Variants in RAVER1 observed in about 807,000 individuals in gnomAD.
RAVER1 encodes ribonucleoprotein PTB-binding 1.
RAVER1 carries 36 observed loss-of-function variants against 68.4 expected under a neutral mutation model. That is an observed-to-expected ratio of 0.53 (90% CI 0.40 to 0.70). The LOEUF (loss-of-function observed/expected upper bound fraction) is 0.70. RAVER1 is among the 30% of genes least tolerant of loss of function. The pLI is 0.00. For missense variants in RAVER1, 933 were observed against 1,019.8 expected, an observed-to-expected ratio of 0.91 and a Z score of 1.16; for synonymous variants, 469 against 472.7, an observed-to-expected ratio of 0.99 and a Z score of 0.10.
At chr19:10,319,092 G>T in intron 10 of RAVER1, 74 bp downstream of exon 10, 2 of 1,368,898 alleles carry the variant, frequency 1.5e-6, no homozygotes, top group Non-Finnish European at 2.1e-6. Context: ...GCTGTTCCAG[G>T]CTACTAAGTC....
intron 1 of RAVER1, among the ~76,000 whole-genome samples, chr19:10,331,174 C>T (rs12460902): frequency 0.15 from 22,458 of 149,604 alleles, 1,923 homozygotes; most frequent in Admixed American, 0.27. Flanking sequence ...AAGGTGAAAC[C>T]CCGTCTCTAC....
At chr19:10,321,286 GC>G in intron 7 of RAVER1, 27 bp from the exon 8 acceptor site, 2 of 1,176,930 alleles carry the variant, frequency 1.7e-6, no homozygotes, top group South Asian at 3.3e-5. Flanking sequence ...GATTTCAGGG[GC>G]CCAGGCTCAC....
At chr19:10,320,505 A>T (rs1258078033) in intron 9 of RAVER1, 150 bp downstream of exon 9, 5 of 117,224 alleles carry the variant, frequency 4.3e-5, no homozygotes, top group African/African-American at 6.1e-5. Flanking sequence ...CCCTGTCTCT[A>T]AAAAAAAAAA....
rs755476866 is a variant in RAVER1 at position 10,319,148 on chromosome 19, A to AT, written c.1845+17dup. The AT allele has an allele frequency of 1.7e-5, 27 of 1,612,876 alleles. No homozygotes were observed. In the East Asian group the frequency reaches 4.9e-4, roughly 29 times the overall value. On this transcript the variant is annotated intron_variant, in intron 10 of 12. Transcript: ENST00000617231. ...GTAAAAGCTGATTGCTACACATGCC[A>AT]TACCAGGTGGCTCTTACCTTGTGTC...
chr19:10,324,754 A>G (rs963099835), intron 3 of RAVER1, among the ~76,000 whole-genome samples: 6 of 152,080 alleles, frequency 3.9e-5, no homozygotes, highest in Non-Finnish European at 8.8e-5. Context: ...CACAATTCCT[A>G]AGTCGAGGGA....
In RAVER1 at chr19:10,317,527, T is replaced by C. The variant is rs1041645678; in HGVS notation, c.2147A>G (p.Tyr716Cys). Residue 716 changes from tyrosine to cysteine, a missense_variant, in exon 13 of 13, where the codon TAT (tyrosine) becomes TGT (cysteine). Around this residue, in one of 3 missense-constraint regions of RAVER1, gnomAD observed 699 missense variants for 731.1 expected, o/e 0.96. Coordinates refer to ENST00000617231, the MANE Select transcript of RAVER1 (RefSeq NM_133452.3). This position sits in a 1 kb window ranked among gnomAD's most constrained non-coding sequence, Gnocchi z 4.3. ...PSPEPSPEGSYVGQHSQGLGG... is the reference protein window; with the variant it reads ...PSPEPSPEGSCVGQHSQGLGG... ...GAGGCCCTGGGAGTGCTGGCCCACA[T>C]AGCTGCCTTCTGGGCTGGGCTCGGG... 9 of 1,613,408 alleles carry C rather than the reference T, an allele frequency of 5.6e-6. No homozygotes were observed. Among genetic ancestry groups the C allele is most frequent in the Non-Finnish European group, 7.6e-6 (9 of 1,179,540 alleles).
Position 10,317,374 on chromosome 19 carries a change from A to T in RAVER1, c.*80T>A, listed in dbSNP as rs566583285. On this transcript the variant is annotated 3_prime_UTR_variant, in exon 13 of 13. Transcript: ENST00000617231. This position sits in a 1 kb window ranked among gnomAD's most constrained non-coding sequence, Gnocchi z 4.3. Reference sequence around the variant, plus strand: ...ATTACCGAAAGAGAGAAAATGGTTTAAAAAAAACACAAAACAAAACATCAG... The same window carrying T: ...ATTACCGAAAGAGAGAAAATGGTTTTAAAAAAACACAAAACAAAACATCAG... 1.2e-3 allele frequency: 1,705 copies of T among 1,454,290 alleles called. 1 individual carries two copies. Among genetic ancestry groups the T allele is most frequent in the Admixed American group, 1.4e-3 (80 of 55,500 alleles). 90.1% of individuals were successfully genotyped at this position (1,454,290 alleles called of 1,614,324 possible). A position where few individuals can be genotyped will look rare whatever the true frequency, so the allele number is the denominator to read the frequency against.
At chr19:10,330,932 C>T (rs1049153874) in intron 1 of RAVER1, among the ~76,000 whole-genome samples, 4 of 151,670 alleles carry the variant, frequency 2.6e-5, no homozygotes, top group East Asian at 1.9e-4. Flanking sequence ...GGAGTGGTGG[C>T]GCACACCTGT....
intron 3 of RAVER1, among the ~76,000 whole-genome samples, chr19:10,324,319 C>A (rs2040460640): frequency 6.6e-6 from 1 of 152,186 alleles, no homozygotes. Context: ...AGCCCTTCAC[C>A]TCTGCCCACG....
chr19:10,328,640 A>C lies in RAVER1; in HGVS notation c.756+2T>G. The C allele has an allele frequency of 6.5e-7, 1 of 1,550,318 alleles. No homozygotes were observed. On this transcript the variant is annotated splice_donor_variant, in intron 3 of 12. Coordinates refer to ENST00000617231, the MANE Select transcript of RAVER1 (RefSeq NM_133452.3). LOFTEE classifies it high-confidence loss of function. The surrounding 1 kb of genome is among the most constrained non-coding windows in gnomAD (Gnocchi z 4.4). The stretch of plus-strand genomic sequence containing the variant: ...CTCCCCAATGCTCTCCACAGGGCTC[A>C]CCTGGCAGAAGGTGGGGCTGTGGAC...
rs1273299191 is a variant in RAVER1 at position 10,329,687 on chromosome 19, G to A, written c.287-576C>T. ...CAGTGCCCCTGAACCCTGCTGCCAC[G>A]TGCTGCCCCAGATTTGCGATCCACC... On this transcript the variant is annotated intron_variant, in intron 2 of 12. Transcript: ENST00000617231. This position sits in a 1 kb window ranked among gnomAD's most constrained non-coding sequence, Gnocchi z 4.6. 1.3e-5 allele frequency among the ~76,000 whole-genome samples: 2 copies of A among 152,024 alleles called. No homozygotes were observed. The highest frequency in any genetic ancestry group is 2.9e-5 in the Non-Finnish European group (2 of 68,012).
At chr19:10,318,852 G>C (rs2040414225) in intron 10 of RAVER1, among the ~76,000 whole-genome samples, 1 of 152,144 alleles carries the variant, frequency 6.6e-6, no homozygotes, top group Non-Finnish European at 1.5e-5. Context: ...TGAGTGCCGG[G>C]GACCGCCCAC....
In RAVER1 at chr19:10,322,910, G is replaced by A. The variant is rs771507047; in HGVS notation, c.1079-171C>T. On this transcript the variant is annotated intron_variant, in intron 5 of 12. Transcript: ENST00000617231. The surrounding 1 kb of genome is among the most constrained non-coding windows in gnomAD (Gnocchi z 4.3). ...CCTAGAAGGGGCAGAGGCTACTCCAGTGAAGGTCAGCCCCCTCTTGTCAGC... is the reference window on the plus strand; with the variant it reads ...CCTAGAAGGGGCAGAGGCTACTCCAATGAAGGTCAGCCCCCTCTTGTCAGC... 1.3e-5 allele frequency among the ~76,000 whole-genome samples: 2 copies of A among 152,086 alleles called. No individual in the cohort carries two copies. The highest frequency in any genetic ancestry group is 4.8e-5 in the African/African-American group (2 of 41,386).
At chr19:10,320,473 C>T (rs182841315) in intron 9 of RAVER1, among the ~76,000 whole-genome samples, 182 bp downstream of exon 9, 1 of 148,196 alleles carries the variant, frequency 6.7e-6, no homozygotes, top group Admixed American at 6.8e-5. Context: ...CACTGCACTC[C>T]AGCCAGGGCA....
intron 1 of RAVER1, among the ~76,000 whole-genome samples, chr19:10,331,356 C>CAAAAAAAAA (rs58419369): frequency 3.4e-5 from 1 of 29,174 alleles, no homozygotes. Flanking sequence ...GACTCCGTCT[C>CAAAAAAAAA]AAAAAAAAAA....
At chr19:10,321,723 G>T in intron 6 of RAVER1, 105 bp from the exon 7 acceptor site, 1 of 862,706 alleles carries the variant, frequency 1.2e-6, no homozygotes. Flanking sequence ...CCAGGGCACG[G>T]CCGATCCTGG....
chr19:10,332,509 G>GC (rs1376038806), intron 1 of RAVER1, among the ~76,000 whole-genome samples: 1 of 152,210 alleles, frequency 6.6e-6, no homozygotes, highest in Admixed American at 6.5e-5. Context: ...CTAGCCACGT[G>GC]CCCACCCGGT....
In RAVER1 at chr19:10,320,918, G is replaced by C; in HGVS notation, c.1507C>G (p.Arg503Gly). 1 of 1,501,276 alleles carries C rather than the reference G, an allele frequency of 6.7e-7. No homozygotes were observed. The allele number at this position is 1,501,276 out of a possible 1,614,324, so 93.0% of individuals were successfully genotyped here. ...TTCAGGTAGGGATTCAGGGGAATCC[G>C]GTAGTCCTTGGGGGGCTCCCCCAGC... ...SLLGEPPKDY[R>G]IPLNPYLNLH... The change falls in exon 9 of 13, where the codon CGG becomes GGG. Residue 503 changes from arginine (R) to glycine (G), a missense_variant. Transcript: ENST00000617231.
At position 10,318,345 on chromosome 19, in the gene RAVER1, C is replaced by T. The variant is rs531565226; in HGVS notation, c.1873G>A (p.Glu625Lys). 1.2e-5 allele frequency: 19 copies of T among 1,602,152 alleles called. No homozygotes were observed. The highest frequency in any genetic ancestry group is 6.8e-5 in the East Asian group (3 of 44,208). ...CCGCCACTCCCACCGCTGCTCCGTT[C>T]GCCGAAGCCACTGGGCGGGGGGGAC... ...KMSPPPSGFG[E>K]RSSGGSGGGP... Residue 625 changes from glutamate (E) to lysine (K), a missense_variant, in exon 11 of 13, where the codon GAA (glutamate) becomes AAA (lysine). Around this residue, in one of 3 missense-constraint regions of RAVER1, gnomAD observed 699 missense variants for 731.1 expected, o/e 0.96. Coordinates refer to ENST00000617231, the MANE Select transcript of RAVER1 (RefSeq NM_133452.3).
Sources: gnomAD v4.1 joint callset for allele counts (sites outside exome capture counted in the v4.1 genomes callset) on GRCh38, gnomAD v4.1.1 for gene constraint, gnomAD v4.1.1 regional missense constraint, Gnocchi (gnomAD v3.1) non-coding constraint, MANE v1.5 for transcripts, NCBI Gene and HGNC (gene_info 2026-07-23, HGNC 2026-07-21) for gene names.